The following IMMP2L variants were observed in gnomAD, a reference collection of about 807,000 sequenced individuals.
IMMP2L encodes the protein mitochondrial inner membrane protease subunit 2.
IMMP2L carries 18 observed loss-of-function variants against 19.3 expected under a neutral mutation model. That is an observed-to-expected ratio of 0.93 (90% CI 0.64 to 1.38). The LOEUF (loss-of-function observed/expected upper bound fraction) is 1.38, where lower values mean the gene tolerates loss of function less well. Ranked by LOEUF, IMMP2L falls within the 40% of genes most tolerant of loss-of-function variation. The pLI is 0.00. For synonymous variants in IMMP2L, 76 were observed against 73.0 expected (o/e 1.04, Z -0.21); for missense variants, 233 against 218.2 (o/e 1.07, Z -0.43).
chr7:111,318,615 A>G (rs1369747847), intron 3 of IMMP2L, among the ~76,000 whole-genome samples: 2 of 152,110 alleles, frequency 1.3e-5, no homozygotes, highest in African/African-American at 4.8e-5. Flanking sequence ...TTGATTTTCT[A>G]GTTCTGAGGT....
At chr7:111,133,498 G>A (rs1431401702) in intron 3 of IMMP2L, among the ~76,000 whole-genome samples, 1 of 151,962 alleles carries the variant, frequency 6.6e-6, no homozygotes, top group Non-Finnish European at 1.5e-5. Context: ...GCAACTGGGA[G>A]AAAGTTCTGA....
intron 3 of IMMP2L, among the ~76,000 whole-genome samples, chr7:111,176,886 T>C (rs1807123750): frequency 6.6e-6 from 1 of 152,066 alleles, no homozygotes; most frequent in Admixed American, 6.6e-5. Flanking sequence ...GCCATTTACT[T>C]AATCTAGTTT....
chr7:111,054,538 A>G lies in IMMP2L; in HGVS notation c.240-90973T>C, dbSNP rs529907110. On this transcript the variant is annotated intron_variant, in intron 3 of 5. Transcript: ENST00000405709. ...GCTATGTCCCAGGAACTGAGCACCT[A>G]AATCCCTGCAGACATCCATGAGGTA... Among the ~76,000 whole-genome samples the G allele has an allele frequency of 7.2e-5, 11 of 152,340 alleles. No homozygotes were observed. In the South Asian group the frequency reaches 2.1e-3, roughly 29 times the overall value.
intron 5 of IMMP2L, among the ~76,000 whole-genome samples, chr7:110,868,407 A>G (rs1290349837): frequency 1.3e-5 from 2 of 152,088 alleles, no homozygotes; most frequent in East Asian, 1.9e-4. Context: ...ACCAAAATCA[A>G]TCACCCCAAG....
chr7:110,963,428 T>C, intron 4 of IMMP2L, 72 bp downstream of exon 4: 1 of 1,085,526 alleles, frequency 9.2e-7, no homozygotes, highest in South Asian at 1.5e-5. Flanking sequence ...TCAGATGTAT[T>C]TCCCAAGTAA....
At chr7:110,736,596 G>C (rs1796653340) in intron 5 of IMMP2L, among the ~76,000 whole-genome samples, 1 of 151,940 alleles carries the variant, frequency 6.6e-6, no homozygotes, top group Non-Finnish European at 1.5e-5. Flanking sequence ...CCAGAAAGCA[G>C]ACATAGAGTC....
chr7:110,825,512 G>C (rs184181748), intron 5 of IMMP2L, among the ~76,000 whole-genome samples: 16 of 152,236 alleles, frequency 1.1e-4, no homozygotes, highest in Admixed American at 9.8e-4. Flanking sequence ...GAATAGAACA[G>C]AGCCCTCAGA....
chr7:111,251,222 G>T (rs1307707308), intron 3 of IMMP2L, among the ~76,000 whole-genome samples: 1 of 152,108 alleles, frequency 6.6e-6, no homozygotes, highest in Non-Finnish European at 1.5e-5. Context: ...CAGTCAGAAT[G>T]GTGATTATTA....
At chr7:111,024,019 T>C (rs145781554) in intron 3 of IMMP2L, among the ~76,000 whole-genome samples, 101 of 152,288 alleles carry the variant, frequency 6.6e-4, no homozygotes, top group African/African-American at 2.4e-3. Context: ...TAGATGACCA[T>C]ATTAAACCCA....
intron 3 of IMMP2L, among the ~76,000 whole-genome samples, chr7:111,226,898 T>C (rs553825129): frequency 1.3e-4 from 20 of 151,870 alleles, no homozygotes; most frequent in Non-Finnish European, 2.5e-4. Flanking sequence ...GAGAGCTACA[T>C]AGAAAATACA....
chr7:110,905,126 G>A (rs1020913449), intron 4 of IMMP2L, among the ~76,000 whole-genome samples: 8 of 151,954 alleles, frequency 5.3e-5, no homozygotes, highest in African/African-American at 1.9e-4. Context: ...TATTACTGAT[G>A]GGACTTCTCT....
At chr7:111,459,935 G>A (rs1839995109) in intron 3 of IMMP2L, among the ~76,000 whole-genome samples, 1 of 152,226 alleles carries the variant, frequency 6.6e-6, no homozygotes, top group South Asian at 2.1e-4. Flanking sequence ...AAATGAAGCT[G>A]ACTTGGAAAA....
At chr7:111,522,926 C>CATATATATATATATATATATAT (rs148789480) in intron 1 of IMMP2L, among the ~76,000 whole-genome samples, 3,564 of 134,652 alleles carry the variant, frequency 0.026, 145 homozygotes, top group Non-Finnish European at 0.033. Context: ...ATGTGAGATA[C>CATATATATATATATATATATAT]ATATATATAT....
intron 3 of IMMP2L, among the ~76,000 whole-genome samples, chr7:111,374,966 A>G (rs1830554069): frequency 6.6e-6 from 1 of 152,132 alleles, no homozygotes; most frequent in South Asian, 2.1e-4. Context: ...ACGATGTATC[A>G]AGAAGACTTG....
chr7:111,060,188 C>T (rs1395973213), intron 3 of IMMP2L, among the ~76,000 whole-genome samples: 1 of 152,158 alleles, frequency 6.6e-6, no homozygotes, highest in Non-Finnish European at 1.5e-5. Flanking sequence ...CCTTTTTACC[C>T]AAGCCTATTA....
chr7:111,469,748 T>C (rs1841041580), intron 3 of IMMP2L, among the ~76,000 whole-genome samples: 1 of 152,116 alleles, frequency 6.6e-6, no homozygotes, highest in Admixed American at 6.5e-5. Flanking sequence ...GACTTAAACG[T>C]CAGACCTAAA....
chr7:111,374,435 G>A (rs1247889398), intron 3 of IMMP2L, among the ~76,000 whole-genome samples: 1 of 151,964 alleles, frequency 6.6e-6, no homozygotes, highest in Non-Finnish European at 1.5e-5. Context: ...TAGTTCTCAA[G>A]AGGAAAAAAA....
At chr7:110,919,611 AC>A (rs1381363009) in intron 4 of IMMP2L, among the ~76,000 whole-genome samples, 1 of 152,140 alleles carries the variant, frequency 6.6e-6, no homozygotes, top group South Asian at 2.1e-4. Context: ...AGGAGATTGA[AC>A]CAGAAATTCT....
intron 5 of IMMP2L, among the ~76,000 whole-genome samples, chr7:110,848,429 G>A (rs1468787657): frequency 1.3e-5 from 2 of 152,158 alleles, no homozygotes; most frequent in Admixed American, 1.3e-4. Flanking sequence ...TGAGGATGTG[G>A]AGCAACAGGA....
Sources: allele counts gnomAD v4.1 joint callset (sites outside exome capture counted in the v4.1 genomes callset), GRCh38; gene constraint gnomAD v4.1.1; transcripts MANE v1.5; gene names NCBI Gene and HGNC (gene_info 2026-07-23, HGNC 2026-07-21).